The following CCDC171 variants were observed in gnomAD, a reference collection of about 807,000 sequenced individuals.
The protein encoded by CCDC171 is coiled-coil domain containing 171, also known as coiled-coil domain-containing protein 171.
Under a neutral mutation model 168.2 loss-of-function variants are expected in CCDC171, and 177 were observed. That is an observed-to-expected ratio of 1.05 (90% CI 0.93 to 1.19). CCDC171 has a LOEUF of 1.19. Ranked by LOEUF, CCDC171 falls within the 50% of genes most tolerant of loss-of-function variation. The pLI is 0.00. For missense variants in CCDC171, 1,991 were observed against 1,539.0 expected (o/e 1.29, Z -4.91); for synonymous variants, 687 against 540.8 (o/e 1.27, Z -3.75).
chr9:15,612,942 A>T (rs567825520), intron 6 of CCDC171, among the ~76,000 whole-genome samples: 1 of 152,192 alleles, frequency 6.6e-6, no homozygotes, highest in Non-Finnish European at 1.5e-5. Flanking sequence ...TAGATACTCA[A>T]CTGATGTAGT....
chr9:15,930,186 A>G (rs1826344605), intron 25 of CCDC171, among the ~76,000 whole-genome samples: 1 of 151,680 alleles, frequency 6.6e-6, no homozygotes, highest in Non-Finnish European at 1.5e-5. Flanking sequence ...TGTTCAATCT[A>G]TACTTGTTAT....
chr9:15,881,418 T>C (rs566886474), intron 24 of CCDC171, among the ~76,000 whole-genome samples: 1 of 152,230 alleles, frequency 6.6e-6, no homozygotes, highest in Non-Finnish European at 1.5e-5. Flanking sequence ...ATTTGTAAAG[T>C]TCAAATCAGT....
rs189728859 is a variant in CCDC171, at chr9:15,752,786, T to C, written c.2671+7155T>C. On this transcript the variant is annotated intron_variant, in intron 18 of 25. Transcript: ENST00000380701. ...GGATAGCATTAGGAGAAATACCTAA[T>C]GTAAATGATGAATTGATGGGTGCAG... 4.6e-5 allele frequency among the ~76,000 whole-genome samples: 7 copies of C among 152,176 alleles called. No individual in the cohort carries two copies. In the East Asian group the frequency reaches 1.4e-3, roughly 29 times the overall value.
At chr9:16,052,554 T>A (rs892810049) in intron 1 of CCDC171, among the ~76,000 whole-genome samples, 2 of 152,160 alleles carry the variant, frequency 1.3e-5, no homozygotes, top group South Asian at 2.1e-4. Context: ...CTGCATTATA[T>A]ATATTAGAAC....
At chr9:15,970,376 T>C (rs1216324930) in intron 25 of CCDC171, among the ~76,000 whole-genome samples, 7 of 151,930 alleles carry the variant, frequency 4.6e-5, no homozygotes, top group African/African-American at 7.3e-5. Flanking sequence ...ATCAAAACTG[T>C]AAGAGGATCT....
At chr9:15,752,231 G>A (rs532467946) in intron 18 of CCDC171, among the ~76,000 whole-genome samples, 1 of 152,120 alleles carries the variant, frequency 6.6e-6, no homozygotes, top group Admixed American at 6.5e-5. Context: ...TTAGAATGGC[G>A]ATCATGAAAA....
intron 21 of CCDC171, among the ~76,000 whole-genome samples, chr9:15,841,874 T>C (rs1173770049): frequency 6.6e-6 from 1 of 151,990 alleles, no homozygotes; most frequent in Non-Finnish European, 1.5e-5. Flanking sequence ...ACCTGTACAG[T>C]TTGATCCACC....
At chr9:15,793,010 T>C (rs1164523641) in intron 21 of CCDC171, among the ~76,000 whole-genome samples, 1 of 152,124 alleles carries the variant, frequency 6.6e-6, no homozygotes, top group Non-Finnish European at 1.5e-5. Context: ...AATGCTCCAA[T>C]TAAAAGACTC....
chr9:15,690,448 C>T (rs901819395), intron 10 of CCDC171, among the ~76,000 whole-genome samples: 2 of 152,062 alleles, frequency 1.3e-5, no homozygotes, highest in Non-Finnish European at 2.9e-5. Context: ...GATAGATTAT[C>T]TCACAAATAG....
intron 16 of CCDC171, 120 bp from the exon 17 acceptor site, chr9:15,744,153 T>G: frequency 3.9e-6 from 3 of 767,730 alleles, no homozygotes; most frequent in Non-Finnish European, 6.1e-6. Context: ...TTTTAGCACA[T>G]GTATCTTTTA....
At chr9:15,602,632 CTTTTTTTTTTTTTTCTT>C (rs2042938104) in intron 6 of CCDC171, among the ~76,000 whole-genome samples, 1 of 31,002 alleles carries the variant, frequency 3.2e-5, no homozygotes, top group African/African-American at 9.7e-5. Context: ...TTTCTCATTT[CTTTTTTTTTTTTTTCTT>C]TTTTTTTTTT....
chr9:15,585,207 G>C (rs183703219), intron 4 of CCDC171, among the ~76,000 whole-genome samples: 1 of 152,028 alleles, frequency 6.6e-6, no homozygotes, highest in Admixed American at 6.6e-5. Flanking sequence ...AATAAACATG[G>C]ATTTATCTTA....
chr9:15,602,434 T>G (rs2042922084), intron 6 of CCDC171, among the ~76,000 whole-genome samples: 1 of 152,128 alleles, frequency 6.6e-6, no homozygotes, highest in South Asian at 2.1e-4. Context: ...ACAAAACTTG[T>G]TATAATATTT....
At chr9:15,864,943 T>C (rs1283132813) in intron 23 of CCDC171, among the ~76,000 whole-genome samples, 1 of 152,084 alleles carries the variant, frequency 6.6e-6, no homozygotes, top group Non-Finnish European at 1.5e-5. Flanking sequence ...TTTGGAAAGA[T>C]TAACTGAAAT....
intron 3 of CCDC171, among the ~76,000 whole-genome samples, chr9:16,005,769 T>C (rs1300360355): frequency 2.6e-5 from 4 of 152,142 alleles, no homozygotes; most frequent in Non-Finnish European, 5.9e-5. Context: ...TGAGCATCCA[T>C]AGATTTTGGT....
intron 6 of CCDC171, among the ~76,000 whole-genome samples, chr9:15,600,010 A>C (rs375067553): frequency 6.6e-6 from 1 of 151,836 alleles, no homozygotes; most frequent in East Asian, 1.9e-4. Flanking sequence ...AGGTCCTTTA[A>C]GGACTTCTCT....
Position 15,939,454 on chromosome 9 carries a change from A to G in CCDC171, c.3753+19032A>G, listed in dbSNP as rs61587205. Among the ~76,000 whole-genome samples the G allele has an allele frequency of 5.2e-3, 794 of 151,994 alleles. 5 individuals carry two copies. Among genetic ancestry groups the G allele is most frequent in the African/African-American group, 0.019 (776 of 41,482 alleles). On this transcript the variant is annotated intron_variant, in intron 25 of 25. Transcript: ENST00000380701. ...AGTTTGTTTCCTTAATGGCACTGCAATAAAGGACATCAGGTATATATAATG... is the reference window on the plus strand; with the variant it reads ...AGTTTGTTTCCTTAATGGCACTGCAGTAAAGGACATCAGGTATATATAATG...
At chr9:16,057,433 A>G (rs536843306) in intron 1 of CCDC171, among the ~76,000 whole-genome samples, 80 of 152,220 alleles carry the variant, frequency 5.3e-4, no homozygotes, top group African/African-American at 1.9e-3. Context: ...CTTTCAAGGA[A>G]GTTTTTTTTG....
chr9:15,737,394 A>G (rs972480111), intron 16 of CCDC171, among the ~76,000 whole-genome samples: 1 of 152,188 alleles, frequency 6.6e-6, no homozygotes, highest in Non-Finnish European at 1.5e-5. Context: ...ATAGATGGTC[A>G]AAGTTTGAGG....
Sources: gnomAD v4.1 joint callset for allele counts (sites outside exome capture counted in the v4.1 genomes callset) on GRCh38, gnomAD v4.1.1 for gene constraint, MANE v1.5 for transcripts, NCBI Gene and HGNC (gene_info 2026-07-23, HGNC 2026-07-21) for gene names.